TDRP: variants seen among roughly 807,000 people sequenced by gnomAD.
TDRP encodes the protein testis development-related protein.
TDRP carries 12 observed loss-of-function variants against 10.5 expected under a neutral mutation model. The observed-to-expected ratio is 1.15, with a 90% CI of 0.73 to 1.86. The LOEUF is 1.86. TDRP is among the 40% of genes most tolerant of loss of function. The pLI, the probability that TDRP is intolerant of heterozygous loss-of-function variation, is 0.00. For missense variants in TDRP, 353 were observed against 229.2 expected (o/e 1.54, Z -3.49); for synonymous variants, 139 against 95.4 (o/e 1.46, Z -2.67).
Position 494,596 on chromosome 8 carries a change from A to G in TDRP, c.110T>C (p.Val37Ala). The part of the protein sequence containing the change: ...PAAAAAAQAQ[V>A]QGASFRGWKE... ...CCAACCTCGGAAACTTGCTCCCTGA[A>G]CCTAATAAAAGGTTAAGAAAAATGT... The change falls in exon 2 of 3, where the codon GTT becomes GCT. Residue 37 changes from valine to alanine, a missense_variant and splice_region_variant. Physicochemically the swap from Val to Ala is moderately conservative, Grantham distance 64 (BLOSUM62 0). Transcript: ENST00000324079. 6.2e-7 allele frequency: 1 copy of G among 1,613,588 alleles called. No homozygotes were observed. Among genetic ancestry groups the G allele is most frequent in the Non-Finnish European group, 8.5e-7 (1 of 1,179,698 alleles).
At chr8:535,922 G>A (rs952171576) in intron 1 of TDRP, among the ~76,000 whole-genome samples, 11 of 152,040 alleles carry the variant, frequency 7.2e-5, no homozygotes, top group Non-Finnish European at 1.5e-4. Flanking sequence ...ATTCAGTGAC[G>A]TTCAGTTTTC....
Position 492,300 on chromosome 8 carries a change from T to C in TDRP, c.*99A>G, listed in dbSNP as rs915065671. The stretch of plus-strand genomic sequence containing the variant: ...CCAAATATCAAATATAGGCAAAAAG[T>C]AGACTCTCTATTCTTTCTAACGCGG... On this transcript the variant is annotated 3_prime_UTR_variant, in exon 3 of 3. Transcript: ENST00000324079. The C allele has an allele frequency of 1.2e-5, 16 of 1,356,148 alleles. No homozygotes were observed. Among genetic ancestry groups the C allele is most frequent in the Admixed American group, 3.4e-5 (1 of 29,350 alleles). 84.0% of individuals were successfully genotyped at this position (1,356,148 alleles called of 1,614,324 possible).
At chr8:508,256 A>G (rs1801518204) in intron 1 of TDRP, among the ~76,000 whole-genome samples, 1 of 152,256 alleles carries the variant, frequency 6.6e-6, no homozygotes, top group Non-Finnish European at 1.5e-5. Context: ...GTTTTACAGT[A>G]CATTTTAATT....
intron 1 of TDRP, among the ~76,000 whole-genome samples, chr8:531,402 G>A (rs577621437): frequency 5.9e-5 from 9 of 152,284 alleles, no homozygotes; most frequent in South Asian, 2.1e-4. Context: ...TTGGGCACCC[G>A]TTGGTATCTG....
intron 1 of TDRP, among the ~76,000 whole-genome samples, chr8:512,086 A>G (rs1471497181): frequency 2.0e-5 from 3 of 152,182 alleles, no homozygotes; most frequent in Admixed American, 2.0e-4. Context: ...ATAGAGAATA[A>G]CAGAAGAGAA....
chr8:505,073 G>C (rs1421833417), intron 1 of TDRP, among the ~76,000 whole-genome samples: 1 of 152,132 alleles, frequency 6.6e-6, no homozygotes, highest in South Asian at 2.1e-4. Context: ...ATAACCTTCA[G>C]ATAATTTTGT....
At chr8:494,376 C>T (rs539186617) in intron 2 of TDRP, 118 bp downstream of exon 2, 7 of 915,994 alleles carry the variant, frequency 7.6e-6, no homozygotes, top group African/African-American at 3.3e-5. Flanking sequence ...ATGGACTCGC[C>T]GCGCCCCACA....
At chr8:504,647 CCT>C (rs113790989) in intron 1 of TDRP, among the ~76,000 whole-genome samples, 15,936 of 152,170 alleles carry the variant, frequency 0.1, 1,048 homozygotes, top group African/African-American at 0.19. Flanking sequence ...GCACTCCAGC[CCT>C]GTTTGGTGAA....
intron 1 of TDRP, among the ~76,000 whole-genome samples, chr8:516,202 G>A (rs925758658): frequency 1.3e-5 from 2 of 152,092 alleles, no homozygotes; most frequent in African/African-American, 2.4e-5. Flanking sequence ...GGTCTCAGGA[G>A]GTTCACATCT....
intron 1 of TDRP, among the ~76,000 whole-genome samples, chr8:543,151 G>T (rs1231097368): frequency 6.6e-6 from 1 of 151,846 alleles, no homozygotes; most frequent in East Asian, 1.9e-4. Flanking sequence ...CCACAAAAAC[G>T]GTTTTTTAAA....
At chr8:526,239 C>G (rs1206203288) in intron 1 of TDRP, among the ~76,000 whole-genome samples, 2 of 152,140 alleles carry the variant, frequency 1.3e-5, no homozygotes, top group Admixed American at 6.5e-5. Flanking sequence ...CTCCAGTGAT[C>G]TGCCCATCTC....
At position 494,369 on chromosome 8, in the gene TDRP, G is replaced by T. The variant is rs1801071194; in HGVS notation, c.212+125C>A. The T allele has an allele frequency of 3.7e-6, 3 of 817,252 alleles. No individual in the cohort carries two copies. In the African/African-American group the frequency reaches 5.1e-5, roughly 14 times the overall value. The allele number at this position is 817,252 out of a possible 1,614,324, so 50.6% of individuals were successfully genotyped here. A position where few individuals can be genotyped will look rare whatever the true frequency, so the allele number is the denominator to read the frequency against. On this transcript the variant is annotated intron_variant, in intron 2 of 2. Coordinates refer to ENST00000324079, the MANE Select transcript of TDRP (RefSeq NM_001384899.1). Reference sequence around the variant, plus strand: ...CAGACGGAGTGGGGAGGGAAACATGGACTCGCCGCGCCCCACAATGCCTCC... The same window carrying T: ...CAGACGGAGTGGGGAGGGAAACATGTACTCGCCGCGCCCCACAATGCCTCC...
chr8:529,752 C>T (rs1359663047), intron 1 of TDRP, among the ~76,000 whole-genome samples: 1 of 152,174 alleles, frequency 6.6e-6, no homozygotes, highest in East Asian at 1.9e-4. Flanking sequence ...CTTATGGGAG[C>T]TCCCTTGTTA....
chr8:503,970 G>GCA, intron 1 of TDRP, among the ~76,000 whole-genome samples: 10 of 108,282 alleles, frequency 9.2e-5, no homozygotes, highest in Admixed American at 4.2e-4. Flanking sequence ...CTCAGCACAA[G>GCA]TCAACATGGA....
chr8:512,364 C>T (rs368374070), intron 1 of TDRP, among the ~76,000 whole-genome samples: 31 of 152,046 alleles, frequency 2.0e-4, no homozygotes, highest in South Asian at 1.9e-3. Flanking sequence ...ACCCGGGAGG[C>T]GGAGGCTGCA....
At chr8:501,023 G>T (rs56393005) in intron 1 of TDRP, among the ~76,000 whole-genome samples, 17 of 152,132 alleles carry the variant, frequency 1.1e-4, no homozygotes, top group East Asian at 2.0e-4. Context: ...TGGCTAACAC[G>T]GTGAAACCCC....
chr8:513,525 T>C (rs1801673499), intron 1 of TDRP, among the ~76,000 whole-genome samples: 1 of 152,190 alleles, frequency 6.6e-6, no homozygotes, highest in African/African-American at 2.4e-5. Flanking sequence ...TGGGTGTCTA[T>C]GAAAATATCT....
intron 1 of TDRP, among the ~76,000 whole-genome samples, chr8:516,872 G>T (rs898072255): frequency 6.6e-6 from 1 of 152,220 alleles, no homozygotes; most frequent in African/African-American, 2.4e-5. Flanking sequence ...ATGCCCTTCA[G>T]CAGGTGAATG....
At chr8:524,165 G>A (rs1181881505) in intron 1 of TDRP, among the ~76,000 whole-genome samples, 1 of 152,190 alleles carries the variant, frequency 6.6e-6, no homozygotes, top group African/African-American at 2.4e-5. Context: ...TGGTAATCCT[G>A]GGAATTATCC....
Sources: gnomAD v4.1 joint callset for allele counts (sites outside exome capture counted in the v4.1 genomes callset) on GRCh38, gnomAD v4.1.1 for gene constraint, MANE v1.5 for transcripts, NCBI Gene and HGNC (gene_info 2026-07-23, HGNC 2026-07-21) for gene names.